Variants in LDB2 observed in about 807,000 individuals in gnomAD.
The protein encoded by LDB2 is LIM domain binding 2.
In LDB2, 12 loss-of-function variants were observed where a neutral mutation model predicts 44.3. The ratio of observed to expected loss-of-function variants is 0.27; its 90% CI spans 0.17 to 0.44. The LOEUF is 0.44. Among genes scored for constraint, LDB2 ranks in the 20% least tolerant of loss-of-function variants. LDB2 has a pLI of 1.00. For synonymous variants in LDB2, 164 were observed against 174.8 expected (o/e 0.94, Z 0.49); for missense variants, 344 against 473.5 (o/e 0.73, Z 2.54).
At chr4:16,804,448 AATTTTTTTAATTATAAATAC>A (rs1778415778) in intron 1 of LDB2, among the ~76,000 whole-genome samples, 1 of 152,210 alleles carries the variant, frequency 6.6e-6, no homozygotes, top group Non-Finnish European at 1.5e-5. Flanking sequence ...ATCTTGACAT[AATTTTTTTAATTATAAATAC>A]ATATATGCTA....
chr4:16,658,333 C>A (rs1413735366), intron 2 of LDB2, among the ~76,000 whole-genome samples: 1 of 152,198 alleles, frequency 6.6e-6, no homozygotes, highest in Non-Finnish European at 1.5e-5. Flanking sequence ...CAGGTCTACA[C>A]TGGTAGGTCT....
At chr4:16,849,684 C>T (rs540387957) in intron 1 of LDB2, among the ~76,000 whole-genome samples, 2 of 152,294 alleles carry the variant, frequency 1.3e-5, no homozygotes, top group African/African-American at 4.8e-5. Flanking sequence ...CAAAAAATAA[C>T]ACATTCTTTT....
intron 1 of LDB2, among the ~76,000 whole-genome samples, chr4:16,896,689 T>G (rs556866745): frequency 1.3e-5 from 2 of 152,204 alleles, no homozygotes; most frequent in Non-Finnish European, 2.9e-5. Flanking sequence ...TTTAAAAGAC[T>G]ATTTTTTCCA....
chr4:16,587,184 A>C lies in LDB2; in HGVS notation c.532-1179T>G, dbSNP rs186170450. On this transcript the variant is annotated intron_variant, in intron 4 of 7. Transcript: ENST00000304523. Reference sequence around the variant, plus strand: ...AAAGATAATAATAAAGAAATGCAAAAATGTTGTTCCTGCTGCTGTGGCTAC... The same window carrying C: ...AAAGATAATAATAAAGAAATGCAAACATGTTGTTCCTGCTGCTGTGGCTAC... 6.4e-4 allele frequency among the ~76,000 whole-genome samples: 98 copies of C among 152,286 alleles called. No homozygotes were observed. In the Middle Eastern group the frequency reaches 0.01, roughly 16 times the overall value.
chr4:16,810,339 C>A (rs1299542287), intron 1 of LDB2, among the ~76,000 whole-genome samples: 3 of 152,196 alleles, frequency 2.0e-5, no homozygotes, highest in African/African-American at 7.2e-5. Flanking sequence ...ATCTCAAACT[C>A]TACCTCATTC....
chr4:16,891,826 T>C (rs969031444), intron 1 of LDB2, among the ~76,000 whole-genome samples: 2 of 152,182 alleles, frequency 1.3e-5, no homozygotes, highest in African/African-American at 4.8e-5. Flanking sequence ...AAAATGAATA[T>C]ATTCACATTA....
intron 2 of LDB2, among the ~76,000 whole-genome samples, chr4:16,625,567 G>A (rs545188871): frequency 7.2e-5 from 11 of 152,212 alleles, no homozygotes; most frequent in Admixed American, 4.6e-4. Flanking sequence ...CTAAAAGCCC[G>A]GATGGCCAGT....
intron 2 of LDB2, among the ~76,000 whole-genome samples, chr4:16,690,132 T>C: frequency 6.6e-6 from 1 of 152,106 alleles, no homozygotes; most frequent in East Asian, 1.9e-4. Flanking sequence ...CTGTCCTCAG[T>C]TTCTAACTCA....
intron 5 of LDB2, among the ~76,000 whole-genome samples, chr4:16,535,344 A>G (rs920655439): frequency 1.3e-5 from 2 of 152,162 alleles, no homozygotes; most frequent in South Asian, 2.1e-4. Flanking sequence ...GTTTCCTTTA[A>G]TAGAGCCTTT....
At chr4:16,760,568 T>C (rs1379976194) in intron 1 of LDB2, among the ~76,000 whole-genome samples, 1 of 152,082 alleles carries the variant, frequency 6.6e-6, no homozygotes, top group East Asian at 1.9e-4. Flanking sequence ...CAAAGTACTC[T>C]GCTTTTTCTC....
intron 1 of LDB2, among the ~76,000 whole-genome samples, chr4:16,771,398 C>A (rs1027291846): frequency 6.6e-6 from 1 of 152,194 alleles, no homozygotes; most frequent in East Asian, 1.9e-4. Flanking sequence ...TGAATTCTCT[C>A]TGTCAGTGAC....
chr4:16,556,218 A>G (rs2152362995), intron 5 of LDB2, among the ~76,000 whole-genome samples: 1 of 152,342 alleles, frequency 6.6e-6, no homozygotes, highest in Non-Finnish European at 1.5e-5. Context: ...CCCAACCATA[A>G]GCATATAAGA....
At chr4:16,768,688 A>G (rs1294657830) in intron 1 of LDB2, among the ~76,000 whole-genome samples, 2 of 152,168 alleles carry the variant, frequency 1.3e-5, no homozygotes, top group Non-Finnish European at 2.9e-5. Flanking sequence ...CCCTTTCTCC[A>G]AAACCAAGGG....
chr4:16,865,294 G>A (rs913098268), intron 1 of LDB2, among the ~76,000 whole-genome samples: 1 of 152,140 alleles, frequency 6.6e-6, no homozygotes, highest in African/African-American at 2.4e-5. Context: ...GAGTTTACAT[G>A]GTCATCTTCA....
chr4:16,661,874 T>C (rs777629547), intron 2 of LDB2, among the ~76,000 whole-genome samples: 1 of 152,134 alleles, frequency 6.6e-6, no homozygotes, highest in Non-Finnish European at 1.5e-5. Context: ...TTCCAGGAAT[T>C]AGTGAGAGAG....
chr4:16,826,112 C>G (rs1783015140), intron 1 of LDB2, among the ~76,000 whole-genome samples: 4 of 117,124 alleles, frequency 3.4e-5, no homozygotes, highest in Admixed American at 3.4e-4. Context: ...AAATATTAAT[C>G]TATCTAATAT....
chr4:16,554,072 T>TG (rs1738623846), intron 5 of LDB2, among the ~76,000 whole-genome samples: 1 of 149,988 alleles, frequency 6.7e-6, no homozygotes, highest in Admixed American at 6.7e-5. Flanking sequence ...TTTTTTGAGA[T>TG]GGAGTTTCGC....
chr4:16,666,287 A>G (rs1743184576), intron 2 of LDB2, among the ~76,000 whole-genome samples: 1 of 152,170 alleles, frequency 6.6e-6, no homozygotes, highest in South Asian at 2.1e-4. Flanking sequence ...GGGAGCAATA[A>G]TCAAGAGTTG....
chr4:16,780,288 T>C (rs1446544319), intron 1 of LDB2, among the ~76,000 whole-genome samples: 1 of 152,158 alleles, frequency 6.6e-6, no homozygotes, highest in African/African-American at 2.4e-5. Flanking sequence ...AGTGGTGTGA[T>C]CTCAGCTCAC....
Sources: allele counts gnomAD v4.1 joint callset (sites outside exome capture counted in the v4.1 genomes callset), GRCh38; gene constraint gnomAD v4.1.1; transcripts MANE v1.5; gene names NCBI Gene and HGNC (gene_info 2026-07-23, HGNC 2026-07-21).